The following ATG5 variants were observed in gnomAD, a reference collection of about 807,000 sequenced individuals.
The protein encoded by ATG5 is autophagy protein 5.
A neutral mutation model predicts 36.5 loss-of-function variants in ATG5; 14 were observed. The observed-to-expected ratio is 0.38, with a 90% CI of 0.25 to 0.60. The LOEUF (loss-of-function observed/expected upper bound fraction) is 0.60, where lower values mean the gene tolerates loss of function less well. Among genes scored for constraint, ATG5 ranks in the 20% least tolerant of loss-of-function variants. The pLI is 0.60. For synonymous variants in ATG5, 95 were observed against 101.5 expected, an observed-to-expected ratio of 0.94 and a Z score of 0.38; for missense variants, 195 against 326.7, an observed-to-expected ratio of 0.60 and a Z score of 3.11.
chr6:106,263,748 G>C (rs1364447685), intron 5 of ATG5, among the ~76,000 whole-genome samples: 6 of 151,968 alleles, frequency 3.9e-5, no homozygotes. Flanking sequence ...AACTGCAGCA[G>C]ACCTGCAGAA....
chr6:106,195,993 A>G (rs1361877583), intron 7 of ATG5, among the ~76,000 whole-genome samples: 2 of 152,150 alleles, frequency 1.3e-5, no homozygotes, highest in South Asian at 2.1e-4. Context: ...TAACCTGGGT[A>G]TAAGAGCAGA....
intron 3 of ATG5, among the ~76,000 whole-genome samples, chr6:106,300,658 G>A (rs1174695285): frequency 6.6e-6 from 1 of 152,024 alleles, no homozygotes; most frequent in Non-Finnish European, 1.5e-5. Flanking sequence ...CTATAATCCT[G>A]TACATCATGT....
At chr6:106,279,419 A>G (rs890886385) in intron 5 of ATG5, among the ~76,000 whole-genome samples, 5 of 152,328 alleles carry the variant, frequency 3.3e-5, no homozygotes, top group African/African-American at 1.2e-4. Flanking sequence ...CCAAGTTTAT[A>G]TGACATATGC....
intron 4 of ATG5, among the ~76,000 whole-genome samples, chr6:106,292,094 T>C (rs753061419): frequency 1.1e-4 from 17 of 152,122 alleles, no homozygotes; most frequent in Non-Finnish European, 1.9e-4. Context: ...CAATAATGTA[T>C]TGGAGAGAGG....
intron 5 of ATG5, among the ~76,000 whole-genome samples, chr6:106,266,923 T>G (rs1779248750): frequency 6.6e-6 from 1 of 152,156 alleles, no homozygotes; most frequent in Non-Finnish European, 1.5e-5. Context: ...CTGGAAGCAT[T>G]CCCTTTGAAA....
chr6:106,218,828 A>C (rs2114419253), intron 6 of ATG5, among the ~76,000 whole-genome samples: 1 of 152,330 alleles, frequency 6.6e-6, no homozygotes, highest in East Asian at 1.9e-4. Flanking sequence ...AAAACTTTAA[A>C]TGTAAGTTAA....
At chr6:106,248,087 G>A in intron 6 of ATG5, 63 bp downstream of exon 6, 1 of 1,253,866 alleles carries the variant, frequency 8.0e-7, no homozygotes, top group Non-Finnish European at 1.2e-6. Context: ...CTACACTAGA[G>A]TGCTTCAATT....
At chr6:106,274,942 A>C (rs1338649695) in intron 5 of ATG5, among the ~76,000 whole-genome samples, 1 of 152,232 alleles carries the variant, frequency 6.6e-6, no homozygotes, top group African/African-American at 2.4e-5. Context: ...ACAAAAGGTC[A>C]TGAAAGTTGA....
intron 6 of ATG5, among the ~76,000 whole-genome samples, chr6:106,238,116 T>C (rs900189826): frequency 2.6e-5 from 4 of 152,218 alleles, no homozygotes; most frequent in Admixed American, 6.5e-5. Flanking sequence ...TAAGCATCCA[T>C]TCTATACTTT....
At chr6:106,320,284 A>C (rs538235515) in intron 1 of ATG5, among the ~76,000 whole-genome samples, 7 of 152,220 alleles carry the variant, frequency 4.6e-5, no homozygotes, top group Non-Finnish European at 8.8e-5. Flanking sequence ...CAGGGGAAAG[A>C]GGAGGGGTTG....
intron 4 of ATG5, among the ~76,000 whole-genome samples, chr6:106,292,595 G>C (rs1252286561): frequency 6.6e-6 from 1 of 152,132 alleles, no homozygotes; most frequent in African/African-American, 2.4e-5. Context: ...CTACATGCAA[G>C]ATTTTTGTTT....
chr6:106,212,187 C>T (rs577458615), intron 6 of ATG5, among the ~76,000 whole-genome samples: 1 of 152,276 alleles, frequency 6.6e-6, no homozygotes, highest in Admixed American at 6.5e-5. Context: ...AAAAAGACTG[C>T]TCTCATTTTT....
chr6:106,186,302 G>A lies in ATG5; in HGVS notation c.*238C>T, dbSNP rs1775765503. On this transcript the variant is annotated 3_prime_UTR_variant, in exon 8 of 8. Coordinates refer to ENST00000369076, the MANE Select transcript of ATG5 (RefSeq NM_004849.4). ...TTTTACAGAAGACCTTCAGTGGTCC[G>A]GTAAGTCTTTCATGTCACAGCTGAG... The A allele has an allele frequency of 1.7e-5, 8 of 457,586 alleles. No homozygotes were observed. Among genetic ancestry groups the A allele is most frequent in the Middle Eastern group, 5.6e-4 (1 of 1,772 alleles). 28.3% of individuals were successfully genotyped at this position (457,586 alleles called of 1,614,324 possible).
intron 6 of ATG5, among the ~76,000 whole-genome samples, chr6:106,243,604 G>A (rs1366116872): frequency 6.7e-6 from 1 of 150,226 alleles, no homozygotes; most frequent in African/African-American, 2.4e-5. Flanking sequence ...GCTGAGGCAG[G>A]TGGTTCACCT....
intron 1 of ATG5, among the ~76,000 whole-genome samples, chr6:106,322,767 A>G (rs1289743071): frequency 6.6e-6 from 1 of 152,164 alleles, no homozygotes; most frequent in Non-Finnish European, 1.5e-5. Flanking sequence ...ACACTTATAC[A>G]TTTACACTCC....
intron 6 of ATG5, among the ~76,000 whole-genome samples, chr6:106,213,624 G>C (rs751970665): frequency 6.6e-6 from 1 of 152,118 alleles, no homozygotes; most frequent in Non-Finnish European, 1.5e-5. Flanking sequence ...AGTGGATAAG[G>C]AGAGAAAAGT....
chr6:106,321,552 AT>A (rs1402228670), intron 1 of ATG5, among the ~76,000 whole-genome samples: 1 of 151,588 alleles, frequency 6.6e-6, no homozygotes, highest in Non-Finnish European at 1.5e-5. Context: ...TAGAGACGGG[AT>A]TTCACCGTGT....
intron 5 of ATG5, among the ~76,000 whole-genome samples, chr6:106,251,324 G>A (rs1197401816): frequency 6.6e-6 from 1 of 152,092 alleles, no homozygotes; most frequent in African/African-American, 2.4e-5. Flanking sequence ...ACCTCCTCCA[G>A]TGAAGTCTGA....
chr6:106,317,458 TAAAG>T (rs1304856720), intron 1 of ATG5, among the ~76,000 whole-genome samples: 4 of 152,112 alleles, frequency 2.6e-5, no homozygotes, highest in African/African-American at 4.8e-5. Context: ...ATTAATTAGT[TAAAG>T]AAAGAAAAAG....
Sources: gnomAD v4.1 joint callset for allele counts (sites outside exome capture counted in the v4.1 genomes callset) on GRCh38, gnomAD v4.1.1 for gene constraint, MANE v1.5 for transcripts, NCBI Gene and HGNC (gene_info 2026-07-23, HGNC 2026-07-21) for gene names.